The following POMGNT2 variants were observed in gnomAD, a reference collection of about 807,000 sequenced individuals.
The protein encoded by POMGNT2 is protein O-linked mannose N-acetylglucosaminyltransferase 2 (beta 1,4-), also known as protein O-linked-mannose beta-1,4-N-acetylglucosaminyltransferase 2.
A neutral mutation model predicts 37.8 loss-of-function variants in POMGNT2; 32 were observed. The observed-to-expected ratio is 0.85, with a 90% CI of 0.64 to 1.14. The LOEUF is 1.14. Ranked by LOEUF, POMGNT2 falls within the 50% of genes most tolerant of loss-of-function variation. The pLI is 0.00. For missense variants in POMGNT2, 705 were observed against 780.6 expected, an observed-to-expected ratio of 0.90 and a Z score of 1.15; for synonymous variants, 340 against 336.8, an observed-to-expected ratio of 1.01 and a Z score of -0.10.
chr3:43,092,148 A>G (rs757919523), intron 1 of POMGNT2, among the ~76,000 whole-genome samples: 6 of 152,338 alleles, frequency 3.9e-5, no homozygotes, highest in Non-Finnish European at 8.8e-5. Flanking sequence ...TGATCATTAC[A>G]TTGTGCTCTG....
At chr3:43,097,503 G>A (rs2089988431) in intron 1 of POMGNT2, among the ~76,000 whole-genome samples, 1 of 152,042 alleles carries the variant, frequency 6.6e-6, no homozygotes, top group Non-Finnish European at 1.5e-5. Context: ...GGTGAGCAAG[G>A]GGGAAAGGGA....
chr3:43,104,857 C>A (rs1368369170), intron 1 of POMGNT2, among the ~76,000 whole-genome samples: 1 of 152,206 alleles, frequency 6.6e-6, no homozygotes, highest in Admixed American at 6.5e-5. Context: ...ACTGTACTTT[C>A]ATCTCCACTT....
intron 1 of POMGNT2, among the ~76,000 whole-genome samples, chr3:43,105,590 C>G (rs1259601639): frequency 1.3e-5 from 2 of 149,626 alleles, no homozygotes; most frequent in Admixed American, 1.3e-4. Flanking sequence ...CCCCAATCCC[C>G]GGCCCCCGAC....
intron 1 of POMGNT2, among the ~76,000 whole-genome samples, chr3:43,097,727 C>A (rs1032769528): frequency 6.6e-6 from 1 of 152,096 alleles, no homozygotes; most frequent in African/African-American, 2.4e-5. Flanking sequence ...CAGTCCATAG[C>A]AATACTCTTC....
chr3:43,102,332 C>T (rs1247003870), intron 1 of POMGNT2, among the ~76,000 whole-genome samples: 1 of 152,194 alleles, frequency 6.6e-6, no homozygotes, highest in Admixed American at 6.5e-5. Flanking sequence ...AAGAAGGGGC[C>T]TTCTCTTAGC....
Position 43,081,425 on chromosome 3 carries a change from G to A in POMGNT2, c.7C>T (p.Leu3Phe). ...AGGAGGGCGTTGAACACCGCCGAGA[G>A]GTGCATCCTAATGCCACTGTGGGGC... MH[L>F]SAVFNALLVS... Residue 3 changes from leucine to phenylalanine, a missense_variant, in exon 2 of 2, where the codon CTC becomes TTC. By Grantham distance (22) the Leu-to-Phe change is conservative. Coordinates refer to ENST00000344697, the MANE Select transcript of POMGNT2 (RefSeq NM_032806.6). 3 of 1,562,384 alleles carry A rather than the reference G, an allele frequency of 1.9e-6. No homozygotes were observed. The highest frequency in any genetic ancestry group is 2.3e-5 in the East Asian group (1 of 44,222).
Position 43,080,759 on chromosome 3 carries a change from G to A in POMGNT2, c.673C>T (p.Arg225Trp), listed in dbSNP as rs1209630896. 1.5e-5 allele frequency: 24 copies of A among 1,614,070 alleles called. No homozygotes were observed. The highest frequency in any genetic ancestry group is 7.7e-5 in the South Asian group (7 of 91,082). Residue 225 changes from arginine to tryptophan, a missense_variant, in exon 2 of 2, where the codon CGG becomes TGG. Physicochemically the swap from Arg to Trp is moderately radical, Grantham distance 101. Coordinates refer to ENST00000344697, the MANE Select transcript of POMGNT2 (RefSeq NM_032806.6). The part of the protein sequence containing the change: ...LLRAQLKTLG[R>W]LLCFSHAFVG... ...AAAGCATGGGAGAAGCACAGCAGCC[G>A]GCCCAGGGTCTTCAGCTGTGCCCGC...
intron 1 of POMGNT2, among the ~76,000 whole-genome samples, chr3:43,093,771 C>T (rs1170860655): frequency 2.0e-5 from 3 of 152,164 alleles, no homozygotes; most frequent in Non-Finnish European, 4.4e-5. Flanking sequence ...TGGTAACAAG[C>T]GTGACACACA....
chr3:43,088,261 G>C (rs76043525), intron 1 of POMGNT2, among the ~76,000 whole-genome samples: 2,221 of 152,306 alleles, frequency 0.015, 57 homozygotes, highest in African/African-American at 0.051. Flanking sequence ...TTTCATCACA[G>C]TCATTTGAAA....
intron 1 of POMGNT2, among the ~76,000 whole-genome samples, chr3:43,091,676 A>G (rs976220836): frequency 6.6e-5 from 10 of 152,346 alleles, no homozygotes; most frequent in Non-Finnish European, 1.3e-4. Flanking sequence ...TACAGTAGAG[A>G]AGCCTGGCAG....
chr3:43,082,377 G>C (rs563966167), intron 1 of POMGNT2, among the ~76,000 whole-genome samples: 1 of 152,158 alleles, frequency 6.6e-6, no homozygotes, highest in Non-Finnish European at 1.5e-5. Context: ...CTGGCTTTCA[G>C]AATCCCTTAG....
chr3:43,087,363 C>T (rs991628198), intron 1 of POMGNT2: 1 of 152,218 alleles, frequency 6.6e-6, no homozygotes, highest in Non-Finnish European at 1.5e-5. Flanking sequence ...CTAAGCAAGT[C>T]CTCATTTTAC....
rs745426955 is a variant in POMGNT2 at position 43,081,387 on chromosome 3, C to A, written c.45G>T (p.Leu15=). 1.9e-6 allele frequency: 3 copies of A among 1,602,164 alleles called. No homozygotes were observed. Among genetic ancestry groups the A allele is most frequent in the Admixed American group, 1.7e-5 (1 of 59,344 alleles). The change falls in exon 2 of 2, where the codon CTG becomes CTT. Residue 15 remains leucine, a synonymous_variant. Transcript: ENST00000344697. Reference sequence around the variant, plus strand: ...GCACATGCTTCCACAGGACCGCTGCCAGCACCGACACCAGGAGGGCGTTGA... The same window carrying A: ...GCACATGCTTCCACAGGACCGCTGCAAGCACCGACACCAGGAGGGCGTTGA... ...AVFNALLVSV[L]AAVLWKHVRL... is the part of the protein sequence containing the mutation.
rs955024611 is a variant in POMGNT2 at position 43,105,979 on chromosome 3, G to A, written c.-249C>T. 6.6e-6 allele frequency: 1 copy of A among 151,828 alleles called. No individual in the cohort carries two copies. Among genetic ancestry groups the A allele is most frequent in the Non-Finnish European group, 1.5e-5 (1 of 67,946 alleles). The allele number at this position is 151,828 out of a possible 1,614,324, so 9.4% of individuals were successfully genotyped here. ...CCAGAAGGCCCAGGCAGCCAGCACAGGTTTGGCCGCGCCGCCGGGTTCGCA... is the reference window on the plus strand; with the variant it reads ...CCAGAAGGCCCAGGCAGCCAGCACAAGTTTGGCCGCGCCGCCGGGTTCGCA... On this transcript the variant is annotated 5_prime_UTR_variant, in exon 1 of 2. Coordinates refer to ENST00000344697, the MANE Select transcript of POMGNT2 (RefSeq NM_032806.6).
At chr3:43,101,612 A>AT (rs2090019634) in intron 1 of POMGNT2, among the ~76,000 whole-genome samples, 1 of 152,170 alleles carries the variant, frequency 6.6e-6, no homozygotes, top group South Asian at 2.1e-4. Context: ...CTTCCAGGTG[A>AT]TTCTTGCGTG....
intron 1 of POMGNT2, among the ~76,000 whole-genome samples, chr3:43,104,237 T>C (rs1369677446): frequency 6.6e-6 from 1 of 152,176 alleles, no homozygotes; most frequent in Non-Finnish European, 1.5e-5. Flanking sequence ...CATTATTTCA[T>C]CCAATTTAAG....
chr3:43,088,703 T>G (rs982972546), intron 1 of POMGNT2, among the ~76,000 whole-genome samples: 1 of 152,158 alleles, frequency 6.6e-6, no homozygotes, highest in Non-Finnish European at 1.5e-5. Flanking sequence ...AAAGAAGGTG[T>G]TGTCCTAAGG....
At chr3:43,085,338 C>T (rs183806064) in intron 1 of POMGNT2, among the ~76,000 whole-genome samples, 272 of 152,264 alleles carry the variant, frequency 1.8e-3, no homozygotes, top group Non-Finnish European at 2.9e-3. Flanking sequence ...GTGTCCCCAT[C>T]CAAATCTCAT....
At chr3:43,085,377 G>T (rs2089889271) in intron 1 of POMGNT2, among the ~76,000 whole-genome samples, 1 of 152,098 alleles carries the variant, frequency 6.6e-6, no homozygotes, top group South Asian at 2.1e-4. Flanking sequence ...CCCACATGTT[G>T]TGGGAAGGAC....
Sources: gnomAD v4.1 joint callset for allele counts (sites outside exome capture counted in the v4.1 genomes callset) on GRCh38, gnomAD v4.1.1 for gene constraint, MANE v1.5 for transcripts, NCBI Gene and HGNC (gene_info 2026-07-23, HGNC 2026-07-21) for gene names.